Variants in MBOAT1 observed in about 807,000 individuals in gnomAD.
MBOAT1 encodes the protein membrane bound glycerophospholipid O-acyltransferase 1.
MBOAT1 carries 67 observed loss-of-function variants against 64.4 expected under a neutral mutation model. The observed-to-expected ratio is 1.04, with a 90% CI of 0.85 to 1.27. MBOAT1 has a LOEUF of 1.27. Ranked by LOEUF, MBOAT1 falls within the 50% of genes most tolerant of loss-of-function variation. The pLI, the probability that MBOAT1 is intolerant of heterozygous loss-of-function variation, is 0.00. For missense variants in MBOAT1, 563 were observed against 604.6 expected, an observed-to-expected ratio of 0.93 and a Z score of 0.72; for synonymous variants, 229 against 218.9, an observed-to-expected ratio of 1.05 and a Z score of -0.41.
At position 20,111,988 on chromosome 6, in the gene MBOAT1, A is replaced by G. The variant is rs1348978985; in HGVS notation, c.1209+888T>C. Among the ~76,000 whole-genome samples, 3 of 149,644 alleles carry G rather than the reference A, an allele frequency of 2.0e-5. No individual in the cohort carries two copies. The East Asian group carries it at 5.9e-4, about 29-fold the overall frequency. Reference sequence around the variant, plus strand: ...TATCCCAGCGCCTAGAACACTGACTAGCACACAGTAGGGCTCCTGAAATCT... The same window carrying G: ...TATCCCAGCGCCTAGAACACTGACTGGCACACAGTAGGGCTCCTGAAATCT... On this transcript the variant is annotated intron_variant, in intron 11 of 12. Transcript: ENST00000324607.
intron 1 of MBOAT1, among the ~76,000 whole-genome samples, chr6:20,211,669 C>T (rs1024103284): frequency 6.6e-6 from 1 of 151,844 alleles, no homozygotes. Context: ...CCTGAACAAG[C>T]CTCGCCTCAG....
rs201403519 is a variant in MBOAT1 at position 20,112,942 on chromosome 6, A to C, written c.1143T>G (p.His381Gln). 16 of 1,614,074 alleles carry C rather than the reference A, an allele frequency of 9.9e-6. No homozygotes were observed. Among genetic ancestry groups the C allele is most frequent in the Non-Finnish European group, 1.3e-5 (15 of 1,180,016 alleles). Residue 381 changes from histidine to glutamine, a missense_variant, in exon 11 of 13, where the codon CAT becomes CAG. By Grantham distance (24) the His-to-Gln change is conservative. Coordinates refer to ENST00000324607, the MANE Select transcript of MBOAT1 (RefSeq NM_001080480.3). ...TAAAATAGTATCCAGGGTAGACACC[A>C]TGCCACAAAGCAGACAGGATGAAGG... is the stretch of plus-strand genomic sequence containing the variant. Reference protein sequence around the residue: ...VLTFILSALWHGVYPGYYFTF... With the variant: ...VLTFILSALWQGVYPGYYFTF...
At chr6:20,192,682 A>AC (rs1331710057) in intron 1 of MBOAT1, among the ~76,000 whole-genome samples, 5 of 152,232 alleles carry the variant, frequency 3.3e-5, no homozygotes, top group Admixed American at 1.3e-4. Flanking sequence ...TAAAGAGCGC[A>AC]CTAAAACCTT....
intron 4 of MBOAT1, among the ~76,000 whole-genome samples, chr6:20,133,635 T>C (rs2113664525): frequency 6.6e-6 from 1 of 152,320 alleles, no homozygotes; most frequent in South Asian, 2.1e-4. Flanking sequence ...AACCATGCTA[T>C]TTGCAAACCA....
chr6:20,116,242 G>C (rs748925510), intron 9 of MBOAT1, among the ~76,000 whole-genome samples: 15 of 151,940 alleles, frequency 9.9e-5, no homozygotes, highest in South Asian at 2.1e-4. Context: ...TGAGGCAGGC[G>C]AATTGCTTGA....
At chr6:20,133,060 A>G (rs1760879116) in intron 4 of MBOAT1, among the ~76,000 whole-genome samples, 1 of 152,248 alleles carries the variant, frequency 6.6e-6, no homozygotes, top group Non-Finnish European at 1.5e-5. Context: ...ATCAACAAAT[A>G]CCCTTTGAAA....
intron 7 of MBOAT1, among the ~76,000 whole-genome samples, chr6:20,126,146 G>A (rs1760642453): frequency 6.6e-6 from 1 of 152,100 alleles, no homozygotes; most frequent in Non-Finnish European, 1.5e-5. Flanking sequence ...CCAGTTCCGT[G>A]GTCCCCCTCC....
chr6:20,203,343 G>A (rs1321094668), intron 1 of MBOAT1, among the ~76,000 whole-genome samples: 2 of 151,910 alleles, frequency 1.3e-5, no homozygotes, highest in African/African-American at 4.8e-5. Context: ...GAGGTGATGA[G>A]TATATCAACT....
intron 1 of MBOAT1, among the ~76,000 whole-genome samples, chr6:20,178,429 C>A (rs1057212240): frequency 1.3e-5 from 2 of 152,126 alleles, no homozygotes; most frequent in South Asian, 2.1e-4. Flanking sequence ...AAATAAAAAT[C>A]AAACATGTTG....
At chr6:20,140,983 C>T (rs1761151642) in intron 4 of MBOAT1, among the ~76,000 whole-genome samples, 1 of 152,068 alleles carries the variant, frequency 6.6e-6, no homozygotes, top group South Asian at 2.1e-4. Flanking sequence ...AATGGTAGCA[C>T]CAACCCTTGA....
At chr6:20,193,765 C>T (rs1762875050) in intron 1 of MBOAT1, among the ~76,000 whole-genome samples, 1 of 151,982 alleles carries the variant, frequency 6.6e-6, no homozygotes, top group African/African-American at 2.4e-5. Context: ...CGCCACCACA[C>T]CCAGCTAATT....
At chr6:20,203,820 G>A (rs1209497473) in intron 1 of MBOAT1, among the ~76,000 whole-genome samples, 2 of 151,606 alleles carry the variant, frequency 1.3e-5, no homozygotes, top group East Asian at 1.9e-4. Context: ...AAAAAAATAG[G>A]AGATTCACAG....
intron 9 of MBOAT1, among the ~76,000 whole-genome samples, chr6:20,117,263 T>C (rs796426985): frequency 2.4e-4 from 36 of 152,216 alleles, no homozygotes; most frequent in African/African-American, 8.4e-4. Context: ...CAAAAATGAG[T>C]GTTTTGCCCG....
Position 20,126,612 on chromosome 6 carries a change from T to C in MBOAT1, c.619A>G (p.Ile207Val), listed in dbSNP as rs369720011. ...AGPCNNFKDYIAFIEGKHIHM... is the reference protein window; with the variant it reads ...AGPCNNFKDYVAFIEGKHIHM... Reference sequence around the variant, plus strand: ...ATATGCTTCCCCTCAATGAAGGCTATGTAGTCCTTGAAATTGTTACAAGGA... The same window carrying C: ...ATATGCTTCCCCTCAATGAAGGCTACGTAGTCCTTGAAATTGTTACAAGGA... Residue 207 changes from isoleucine to valine, a missense_variant, in exon 7 of 13, where the codon ATA (isoleucine) becomes GTA (valine). Ile to Val is a conservative substitution (Grantham distance 29). Coordinates refer to ENST00000324607, the MANE Select transcript of MBOAT1 (RefSeq NM_001080480.3). The C allele has an allele frequency of 3.1e-6, 5 of 1,613,822 alleles. No homozygotes were observed. In the African/African-American group the frequency reaches 4.0e-5, roughly 13 times the overall value.
intron 1 of MBOAT1, among the ~76,000 whole-genome samples, chr6:20,199,201 A>C (rs1452164112): frequency 6.6e-6 from 1 of 152,102 alleles, no homozygotes; most frequent in Non-Finnish European, 1.5e-5. Flanking sequence ...TTGATTCGGG[A>C]ATCATTTATT....
chr6:20,105,758 G>A (rs1483074506), intron 12 of MBOAT1, among the ~76,000 whole-genome samples: 5 of 152,082 alleles, frequency 3.3e-5, no homozygotes, highest in South Asian at 4.1e-4. Flanking sequence ...CTCCAGCCTC[G>A]GCAACGGAGG....
At chr6:20,164,996 G>A (rs1296790131) in intron 1 of MBOAT1, among the ~76,000 whole-genome samples, 3 of 152,094 alleles carry the variant, frequency 2.0e-5, no homozygotes, top group Non-Finnish European at 4.4e-5. Context: ...TTTAAGATAG[G>A]GTAGGCTAAG....
intron 1 of MBOAT1, among the ~76,000 whole-genome samples, chr6:20,167,044 A>G (rs1309785507): frequency 6.6e-6 from 1 of 152,152 alleles, no homozygotes; most frequent in Non-Finnish European, 1.5e-5. Context: ...TAATGAAGAT[A>G]ATGATTTGAT....
At chr6:20,189,909 A>C (rs945263349) in intron 1 of MBOAT1, among the ~76,000 whole-genome samples, 8 of 151,810 alleles carry the variant, frequency 5.3e-5, no homozygotes, top group African/African-American at 1.7e-4. Context: ...TATGTATTAC[A>C]TTTCCTTCAT....
Sources: allele counts gnomAD v4.1 joint callset (sites outside exome capture counted in the v4.1 genomes callset), GRCh38; gene constraint gnomAD v4.1.1; transcripts MANE v1.5; gene names NCBI Gene and HGNC (gene_info 2026-07-23, HGNC 2026-07-21).